The following UBE2E2 variants were observed in gnomAD, a reference collection of about 807,000 sequenced individuals.
The protein encoded by UBE2E2 is ubiquitin-conjugating enzyme E2 E2.
In UBE2E2, 6 loss-of-function variants were observed where a neutral mutation model predicts 24.7. That is an observed-to-expected ratio of 0.24 (90% CI 0.13 to 0.48). The LOEUF (loss-of-function observed/expected upper bound fraction) is 0.48, where lower values mean the gene tolerates loss of function less well. Ranked by LOEUF, UBE2E2 falls within the 20% of genes least tolerant of loss-of-function variation. UBE2E2 has a pLI of 0.99. For synonymous variants in UBE2E2, 104 were observed against 83.6 expected, an observed-to-expected ratio of 1.24 and a Z score of -1.33; for missense variants, 169 against 245.0, an observed-to-expected ratio of 0.69 and a Z score of 2.07.
chr3:23,382,877 C>G (rs748117938), intron 3 of UBE2E2, among the ~76,000 whole-genome samples: 1 of 151,644 alleles, frequency 6.6e-6, no homozygotes, highest in Non-Finnish European at 1.5e-5. Flanking sequence ...TTTTAAAAAT[C>G]AAATTGTGAA....
intron 4 of UBE2E2, among the ~76,000 whole-genome samples, chr3:23,514,407 T>C (rs1489054607): frequency 6.6e-6 from 1 of 152,212 alleles, no homozygotes; most frequent in East Asian, 1.9e-4. Context: ...TTAACACTTC[T>C]GAAATCTTTT....
chr3:23,408,596 T>C (rs563516069), intron 3 of UBE2E2, among the ~76,000 whole-genome samples: 2 of 152,130 alleles, frequency 1.3e-5, no homozygotes, highest in African/African-American at 2.4e-5. Flanking sequence ...CTAAGATATA[T>C]AGGACCTGAA....
At chr3:23,556,453 T>TAAAAAAAAAAAAAAAAAAAA (rs1321819270) in intron 5 of UBE2E2, among the ~76,000 whole-genome samples, 2 of 69,002 alleles carry the variant, frequency 2.9e-5, no homozygotes, top group Non-Finnish European at 5.9e-5. Context: ...TAAAATTTAT[T>TAAAAAAAAAAAAAAAAAAAA]TAAAAAAAAA....
chr3:23,560,942 G>C (rs1431369331), intron 5 of UBE2E2, among the ~76,000 whole-genome samples: 3 of 152,046 alleles, frequency 2.0e-5, no homozygotes, highest in Non-Finnish European at 4.4e-5. Context: ...AAATTTGTTT[G>C]AGTTCTTTGT....
At chr3:23,282,837 G>A (rs1209363104) in intron 3 of UBE2E2, among the ~76,000 whole-genome samples, 2 of 151,918 alleles carry the variant, frequency 1.3e-5, no homozygotes, top group Non-Finnish European at 2.9e-5. Context: ...TACCCACAGT[G>A]AATTAATTTG....
Position 23,365,068 on chromosome 3 carries a change from C to A in UBE2E2, c.228-134540C>A, listed in dbSNP as rs116977006. ...AGGAAAAAAAGCTTTTGATAAAATTCAATATCCCTTCATGTTAAGAACCCT... is the reference window on the plus strand; with the variant it reads ...AGGAAAAAAAGCTTTTGATAAAATTAAATATCCCTTCATGTTAAGAACCCT... On this transcript the variant is annotated intron_variant, in intron 3 of 5. Coordinates refer to ENST00000396703, the MANE Select transcript of UBE2E2 (RefSeq NM_152653.4). Among the ~76,000 whole-genome samples, 19 of 152,240 alleles carry A rather than the reference C, an allele frequency of 1.2e-4. No homozygotes were observed. The East Asian group carries it at 3.3e-3, about 26-fold the overall frequency.
At chr3:23,421,404 A>G (rs1207289751) in intron 3 of UBE2E2, among the ~76,000 whole-genome samples, 3 of 152,226 alleles carry the variant, frequency 2.0e-5, no homozygotes, top group Admixed American at 1.3e-4. Flanking sequence ...TGTATGTAAC[A>G]TGGAATACTA....
chr3:23,433,634 A>C (rs955850875), intron 3 of UBE2E2, among the ~76,000 whole-genome samples: 3 of 151,918 alleles, frequency 2.0e-5, no homozygotes, highest in African/African-American at 7.2e-5. Flanking sequence ...GATCAAGAAA[A>C]CAGCTTGTCT....
chr3:23,551,798 C>G (rs1047563374), intron 5 of UBE2E2, among the ~76,000 whole-genome samples: 2 of 152,120 alleles, frequency 1.3e-5, no homozygotes, highest in Non-Finnish European at 2.9e-5. Context: ...CGGCTAGGGC[C>G]TCGTATAAGG....
chr3:23,304,467 T>G (rs1699188241), intron 3 of UBE2E2, among the ~76,000 whole-genome samples: 1 of 152,204 alleles, frequency 6.6e-6, no homozygotes, highest in Non-Finnish European at 1.5e-5. Flanking sequence ...AATGTAAATA[T>G]ATTATGAAAA....
chr3:23,206,308 AT>A (rs143292691), intron 1 of UBE2E2, among the ~76,000 whole-genome samples: 4,355 of 152,346 alleles, frequency 0.029, 102 homozygotes, highest in East Asian at 0.13. Context: ...GTGAAAAAAA[AT>A]ATTAAATCCA....
upstream of UBE2E2, chr3:23,203,108 G>C: frequency 2.0e-6 from 2 of 981,636 alleles, no homozygotes; most frequent in Non-Finnish European, 2.4e-6. Flanking sequence ...ACGCGCACTC[G>C]CGGGTGCGCG....
At chr3:23,500,905 C>T (rs1368141774) in intron 4 of UBE2E2, among the ~76,000 whole-genome samples, 1 of 152,218 alleles carries the variant, frequency 6.6e-6, no homozygotes, top group Non-Finnish European at 1.5e-5. Flanking sequence ...AAAGCCCATA[C>T]TTCTTCCTAC....
At chr3:23,480,512 G>C (rs1695192) in intron 3 of UBE2E2, among the ~76,000 whole-genome samples, 36,394 of 151,940 alleles carry the variant, frequency 0.24, 4,396 homozygotes, top group East Asian at 0.37. Flanking sequence ...TCCCAGCCCC[G>C]ACCGGTTCCA....
chr3:23,289,562 A>G (rs1698705638), intron 3 of UBE2E2, among the ~76,000 whole-genome samples: 1 of 152,254 alleles, frequency 6.6e-6, no homozygotes. Context: ...ATGAGGAAAT[A>G]CCGTTTAAGA....
At chr3:23,228,867 C>G (rs567339344) in intron 3 of UBE2E2, among the ~76,000 whole-genome samples, 52 of 152,276 alleles carry the variant, frequency 3.4e-4, no homozygotes, top group Admixed American at 1.2e-3. Context: ...CAGGTAGACT[C>G]TCTCCACACA....
At chr3:23,385,968 C>T (rs1047753141) in intron 3 of UBE2E2, among the ~76,000 whole-genome samples, 1 of 152,118 alleles carries the variant, frequency 6.6e-6, no homozygotes, top group Admixed American at 6.5e-5. Context: ...GAAAGTAAAA[C>T]AAACTAAATT....
At chr3:23,405,726 A>G (rs1697340257) in intron 3 of UBE2E2, among the ~76,000 whole-genome samples, 1 of 152,166 alleles carries the variant, frequency 6.6e-6, no homozygotes, top group Non-Finnish European at 1.5e-5. Context: ...TTCATTTACC[A>G]CACTCTTTAA....
chr3:23,369,418 G>T (rs1243388332), intron 3 of UBE2E2, among the ~76,000 whole-genome samples: 1 of 152,074 alleles, frequency 6.6e-6, no homozygotes, highest in East Asian at 1.9e-4. Flanking sequence ...TGGATCTTTT[G>T]ATTACTTGTA....
Sources: allele counts gnomAD v4.1 joint callset (sites outside exome capture counted in the v4.1 genomes callset), GRCh38; gene constraint gnomAD v4.1.1; transcripts MANE v1.5; gene names NCBI Gene and HGNC (gene_info 2026-07-23, HGNC 2026-07-21).